The following DLG2 variants were observed in gnomAD, a reference collection of about 807,000 sequenced individuals.
DLG2 encodes disks large homolog 2.
DLG2 carries 45 observed loss-of-function variants against 132.5 expected under a neutral mutation model. The observed-to-expected ratio is 0.34, with a 90% confidence interval of 0.27 to 0.44. The LOEUF is 0.44. DLG2 is among the 20% of genes least tolerant of loss of function. DLG2 has a pLI of 1.00. For synonymous variants in DLG2, 424 were observed against 419.6 expected (o/e 1.01, Z -0.13); for missense variants, 1,045 against 1,196.9 (o/e 0.87, Z 1.87).
At chr11:83,939,703 A>AC (rs112487117) in intron 14 of DLG2, among the ~76,000 whole-genome samples, 3 of 151,892 alleles carry the variant, frequency 2.0e-5, no homozygotes, top group Non-Finnish European at 2.9e-5. Flanking sequence ...TAAAATTCAC[A>AC]CCCCCCACAA....
intron 3 of DLG2, among the ~76,000 whole-genome samples, chr11:85,510,975 G>A (rs1356357407): frequency 1.4e-4 from 21 of 152,000 alleles, no homozygotes; most frequent in African/African-American, 4.6e-4. Flanking sequence ...ACCAACCCAA[G>A]TGTCCATCAA....
intron 6 of DLG2, among the ~76,000 whole-genome samples, chr11:84,566,844 T>A (rs867751153): frequency 2.6e-5 from 4 of 152,202 alleles, no homozygotes; most frequent in Admixed American, 6.6e-5. Context: ...AAAACCCTGA[T>A]GCAGTCCTTT....
intron 7 of DLG2, among the ~76,000 whole-genome samples, chr11:84,361,261 G>T (rs2098648303): frequency 6.6e-6 from 1 of 151,826 alleles, no homozygotes; most frequent in Non-Finnish European, 1.5e-5. Flanking sequence ...CAGTCAGAAT[G>T]AACATAAAGA....
At chr11:83,876,827 T>A (rs927924733) in intron 15 of DLG2, among the ~76,000 whole-genome samples, 1 of 152,142 alleles carries the variant, frequency 6.6e-6, no homozygotes, top group Admixed American at 6.6e-5. Context: ...TGTAACTTCA[T>A]ATCCTCTGCT....
At chr11:85,579,375 G>A (rs994343576) in intron 3 of DLG2, among the ~76,000 whole-genome samples, 2 of 151,782 alleles carry the variant, frequency 1.3e-5, no homozygotes, top group African/African-American at 4.8e-5. Context: ...ATGTATCCTC[G>A]AAATCAAAAT....
chr11:85,491,193 T>C (rs571210392), intron 3 of DLG2, among the ~76,000 whole-genome samples: 2 of 152,170 alleles, frequency 1.3e-5, no homozygotes, highest in African/African-American at 4.8e-5. Context: ...TCAATAGATA[T>C]AGAAAAGGCA....
chr11:85,430,430 T>C (rs2091094845), intron 3 of DLG2, among the ~76,000 whole-genome samples: 1 of 152,030 alleles, frequency 6.6e-6, no homozygotes, highest in South Asian at 2.1e-4. Context: ...AATAAAAAAT[T>C]AGGAAAAAAT....
intron 18 of DLG2, among the ~76,000 whole-genome samples, chr11:83,658,049 T>C (rs2073202036): frequency 6.6e-6 from 1 of 152,214 alleles, no homozygotes; most frequent in African/African-American, 2.4e-5. Context: ...TGCATGGTTA[T>C]GGGCATACCA....
chr11:85,498,320 A>G (rs1185852960), intron 3 of DLG2, among the ~76,000 whole-genome samples: 1 of 152,240 alleles, frequency 6.6e-6, no homozygotes, highest in African/African-American at 2.4e-5. Context: ...ACAAAGATCA[A>G]AAGAGACAAA....
At chr11:84,079,395 T>C (rs979328860) in intron 10 of DLG2, among the ~76,000 whole-genome samples, 1 of 151,994 alleles carries the variant, frequency 6.6e-6, no homozygotes, top group African/African-American at 2.4e-5. Flanking sequence ...GCAATTCTCA[T>C]GCTTCAGCCT....
chr11:84,865,727 A>G (rs996596091), intron 6 of DLG2, among the ~76,000 whole-genome samples: 2 of 152,244 alleles, frequency 1.3e-5, no homozygotes, highest in Non-Finnish European at 2.9e-5. Flanking sequence ...AACAATCTTC[A>G]ATGCTCTTAT....
intron 6 of DLG2, among the ~76,000 whole-genome samples, chr11:84,701,542 A>C (rs2059226094): frequency 6.6e-6 from 1 of 151,524 alleles, no homozygotes; most frequent in South Asian, 2.1e-4. Flanking sequence ...ATGTGTCCTT[A>C]AGCCAATACC....
chr11:84,668,900 A>G (rs2099702723), intron 6 of DLG2, among the ~76,000 whole-genome samples: 1 of 152,190 alleles, frequency 6.6e-6, no homozygotes, highest in African/African-American at 2.4e-5. Context: ...AAAATATTTG[A>G]GCATCCACAA....
chr11:85,171,550 G>A (rs1167061681), intron 4 of DLG2, among the ~76,000 whole-genome samples: 3 of 152,296 alleles, frequency 2.0e-5, no homozygotes, highest in South Asian at 2.1e-4. Flanking sequence ...TTCCAGTGAG[G>A]TGGGAGATCC....
At chr11:85,419,061 G>T (rs1335831599) in intron 3 of DLG2, among the ~76,000 whole-genome samples, 1 of 152,148 alleles carries the variant, frequency 6.6e-6, no homozygotes, top group Admixed American at 6.5e-5. Context: ...GGCTTGTACT[G>T]GTTGTTCCTT....
chr11:85,011,447 A>G (rs1279225784), intron 6 of DLG2, among the ~76,000 whole-genome samples: 1 of 152,212 alleles, frequency 6.6e-6, no homozygotes, highest in African/African-American at 2.4e-5. Flanking sequence ...AATCTTCCAA[A>G]ACTGACAAAA....
At chr11:85,030,203 T>A (rs2060891952) in intron 6 of DLG2, among the ~76,000 whole-genome samples, 1 of 152,228 alleles carries the variant, frequency 6.6e-6, no homozygotes, top group African/African-American at 2.4e-5. Flanking sequence ...TTTTTAAAGA[T>A]GCACTCATGG....
chr11:84,259,869 C>T (rs2097529902), intron 7 of DLG2, among the ~76,000 whole-genome samples: 1 of 152,126 alleles, frequency 6.6e-6, no homozygotes. Flanking sequence ...ACAACGGTAG[C>T]CTGGCTCCAA....
At chr11:84,201,251 T>C (rs2096588426) in intron 8 of DLG2, among the ~76,000 whole-genome samples, 1 of 152,204 alleles carries the variant, frequency 6.6e-6, no homozygotes, top group African/African-American at 2.4e-5. Flanking sequence ...TCACATTTAT[T>C]GGTTTGTGTA....
Sources: allele counts gnomAD v4.1 joint callset (sites outside exome capture counted in the v4.1 genomes callset), GRCh38; gene constraint gnomAD v4.1.1; transcripts MANE v1.5; gene names NCBI Gene and HGNC (gene_info 2026-07-23, HGNC 2026-07-21).